Variants in PASD1 observed in about 807,000 individuals in gnomAD.
PASD1 encodes circadian clock protein PASD1.
Under a neutral mutation model 58.8 loss-of-function variants are expected in PASD1, and 13 were observed. The ratio of observed to expected loss-of-function variants is 0.22; its 90% confidence interval spans 0.14 to 0.35. The LOEUF (loss-of-function observed/expected upper bound fraction) is 0.35, where lower values mean the gene tolerates loss of function less well. Among genes scored for constraint, PASD1 ranks in the 10% least tolerant of loss-of-function variants. The pLI is 1.00. For synonymous variants in PASD1, 236 were observed against 216.7 expected, an observed-to-expected ratio of 1.09 and a Z score of -0.78; for missense variants, 734 against 568.3, an observed-to-expected ratio of 1.29 and a Z score of -2.96.
At chrX:151,627,448 A>C (rs1341853023) in intron 8 of PASD1, among the ~76,000 whole-genome samples, 2 of 109,131 alleles carry the variant, frequency 1.8e-5, no homozygotes, top group Non-Finnish European at 3.8e-5. Context: ...GAGTGAGGAC[A>C]TGCAGTGTTT....
chrX:151,627,185 A>C (rs1346656227), intron 8 of PASD1, among the ~76,000 whole-genome samples: 1 of 110,297 alleles, frequency 9.1e-6, no homozygotes, highest in Non-Finnish European at 1.9e-5. Context: ...TTATTTATTT[A>C]TTTTTAAATT....
intron 2 of PASD1, 136 bp from the exon 3 acceptor site, chrX:151,604,510 A>T (rs2013460038): frequency 8.9e-6 from 4 of 448,202 alleles, no homozygotes; most frequent in Admixed American, 3.9e-5. Context: ...AGCCAACATC[A>T]GATCCTTCAT....
chrX:151,653,626 T>TG (rs1263992861), intron 9 of PASD1, among the ~76,000 whole-genome samples: 2 of 109,848 alleles, frequency 1.8e-5, no homozygotes, highest in Admixed American at 1.9e-4. Flanking sequence ...GGAAAAATTA[T>TG]GGGAAGAACT....
At chrX:151,596,050 C>T (rs1280395908) in intron 1 of PASD1, among the ~76,000 whole-genome samples, 1 of 111,880 alleles carries the variant, frequency 8.9e-6, no homozygotes, top group African/African-American at 3.3e-5. Context: ...TATAATTTGT[C>T]CAGTTTCCTA....
chrX:151,580,597 T>C (rs749634624), intron 1 of PASD1, among the ~76,000 whole-genome samples: 36 of 108,083 alleles, frequency 3.3e-4, no homozygotes, highest in Non-Finnish European at 5.2e-4. Context: ...TGAAAATATG[T>C]GTATTGTATA....
At chrX:151,674,278 G>C in intron 15 of PASD1, 92 bp downstream of exon 15, 1 of 1,083,491 alleles carries the variant, frequency 9.2e-7, no homozygotes, top group Non-Finnish European at 1.3e-6. Flanking sequence ...AGTGCATGCT[G>C]TGTGTGAGAG....
Position 151,664,149 on chromosome X carries a change from C to T in PASD1, c.872C>T (p.Pro291Leu). The T allele has an allele frequency of 1.7e-6, 2 of 1,210,548 alleles. No homozygotes were observed. Among genetic ancestry groups the T allele is most frequent in the East Asian group, 5.9e-5 (2 of 33,783 alleles). Residue 291 changes from proline (P) to leucine (L), a missense_variant, in exon 11 of 16, where the codon CCT (proline) becomes CTT (leucine). Coordinates refer to ENST00000370357, the MANE Select transcript of PASD1 (RefSeq NM_173493.3). Reference protein sequence around the residue: ...ALSLQDFRGEPEVNPLYRADP... With the variant: ...ALSLQDFRGELEVNPLYRADP... ...TCCTTGCAAGACTTTCGAGGTGAGC[C>T]TGAGGTGAATCCATTGTACAGGGCA...
At chrX:151,606,383 A>G (rs1275485013) in intron 3 of PASD1, among the ~76,000 whole-genome samples, 2 of 111,465 alleles carry the variant, frequency 1.8e-5, no homozygotes, top group South Asian at 7.7e-4. Flanking sequence ...TTGGAGGGCA[A>G]GAGAGCAAGG....
At chrX:151,668,139 C>T (rs5924993) in intron 11 of PASD1, among the ~76,000 whole-genome samples, 1 of 110,465 alleles carries the variant, frequency 9.1e-6, no homozygotes, top group African/African-American at 3.3e-5. Flanking sequence ...ATTGGCTGTG[C>T]GCTTGTCATA....
intron 11 of PASD1, among the ~76,000 whole-genome samples, chrX:151,666,475 C>T (rs1425513084): frequency 9.2e-6 from 1 of 108,358 alleles, no homozygotes; most frequent in Non-Finnish European, 1.9e-5. Context: ...TGTTGGTGTG[C>T]TGCACCTATT....
At chrX:151,643,780 G>A (rs1358780163) in intron 8 of PASD1, among the ~76,000 whole-genome samples, 3 of 111,216 alleles carry the variant, frequency 2.7e-5, no homozygotes, top group African/African-American at 6.5e-5. Context: ...TCACTTACTG[G>A]TTGTGAACTT....
chrX:151,669,687 C>T (rs1227389561), intron 11 of PASD1, among the ~76,000 whole-genome samples: 2 of 111,798 alleles, frequency 1.8e-5, no homozygotes. Context: ...AACATAATGA[C>T]CTCCAGTTCC....
intron 1 of PASD1, among the ~76,000 whole-genome samples, chrX:151,585,237 T>C (rs2013148821): frequency 8.9e-6 from 1 of 112,318 alleles, no homozygotes; most frequent in Non-Finnish European, 1.9e-5. Flanking sequence ...ATTCAAATCT[T>C]TGATCTACTA....
chrX:151,672,606 C>T lies in PASD1; in HGVS notation c.1861C>T (p.Pro621Ser). 8.3e-7 allele frequency: 1 copy of T among 1,212,065 alleles called. No homozygotes were observed. The highest frequency in any genetic ancestry group is 1.1e-6 in the Non-Finnish European group (1 of 895,599). The change falls in exon 14 of 16, where the codon CCC becomes TCC. Residue 621 changes from proline (P) to serine (S), a missense_variant. Physicochemically the swap from Pro to Ser is moderately conservative, Grantham distance 74. Transcript: ENST00000370357. Reference protein sequence around the residue: ...VPVQRAAEQQPSGFYQDENCG... With the variant: ...VPVQRAAEQQSSGFYQDENCG... Reference sequence around the variant, plus strand: ...TGTCCAGAGAGCAGCTGAACAACAGCCCTCTGGCTTCTATCAAGATGAAAA... The same window carrying T: ...TGTCCAGAGAGCAGCTGAACAACAGTCCTCTGGCTTCTATCAAGATGAAAA...
At chrX:151,564,718 A>T (rs1334522325) in intron 1 of PASD1, among the ~76,000 whole-genome samples, 1 of 32,192 alleles carries the variant, frequency 3.1e-5, no homozygotes, top group Admixed American at 2.0e-4. Context: ...TACAAAAATT[A>T]AAAAAAAAAA....
At chrX:151,659,899 T>A in intron 10 of PASD1, 63 bp downstream of exon 10, 1 of 1,089,301 alleles carries the variant, frequency 9.2e-7, no homozygotes, top group African/African-American at 1.8e-5. Flanking sequence ...CCCAGGGTAG[T>A]TACAGTTTTT....
At chrX:151,656,341 CT>C (rs1262002989) in intron 9 of PASD1, among the ~76,000 whole-genome samples, 4 of 111,530 alleles carry the variant, frequency 3.6e-5, no homozygotes, top group African/African-American at 1.3e-4. Context: ...AATGCGGGCT[CT>C]TTTTTGGTTC....
At chrX:151,622,585 T>TCACA (rs1421440323) in intron 6 of PASD1, among the ~76,000 whole-genome samples, 2 of 39,535 alleles carry the variant, frequency 5.1e-5, no homozygotes, top group Non-Finnish European at 1.1e-4. Context: ...TGTGCACAGA[T>TCACA]TACACACACA....
chrX:151,623,049 G>T lies in PASD1; in HGVS notation c.531G>T (p.Arg177Ser). 8.3e-7 allele frequency: 1 copy of T among 1,210,185 alleles called. No homozygotes were observed. The highest frequency in any genetic ancestry group is 1.1e-6 in the Non-Finnish European group (1 of 894,594). The change falls in exon 7 of 16, where the codon AGG (arginine) becomes AGT (serine). Residue 177 changes from arginine (R) to serine (S), a missense_variant. Transcript: ENST00000370357. ...TTGTGGGAAATGTTTGCATTCTCAG[G>T]ACTCAGCTCCTGCAGGTGGGTATAC... ...LYLVGNVCILRTQLLQQLYTS... is the reference protein window; with the variant it reads ...LYLVGNVCILSTQLLQQLYTS...
Sources: allele counts gnomAD v4.1 joint callset (sites outside exome capture counted in the v4.1 genomes callset), GRCh38; gene constraint gnomAD v4.1.1; transcripts MANE v1.5; gene names NCBI Gene and HGNC (gene_info 2026-07-23, HGNC 2026-07-21).